CDKN2AIP: variants seen among roughly 807,000 people sequenced by gnomAD.
CDKN2AIP encodes the protein CDKN2A interacting protein, also known as CDKN2A-interacting protein.
In CDKN2AIP, 12 loss-of-function variants were observed where a neutral mutation model predicts 44.1. The observed-to-expected ratio is 0.27, with a 90% confidence interval of 0.17 to 0.44. The LOEUF (loss-of-function observed/expected upper bound fraction) is 0.44, where lower values mean the gene tolerates loss of function less well. CDKN2AIP is among the 20% of genes least tolerant of loss of function. The pLI is 1.00. For missense variants in CDKN2AIP, 705 were observed against 681.6 expected (o/e 1.03, Z -0.38); for synonymous variants, 291 against 272.1 (o/e 1.07, Z -0.68).
rs750315909 is a variant in CDKN2AIP at position 183,447,013 on chromosome 4, A to T, written c.1329A>T (p.Leu443=). The change falls in exon 3 of 3, where the codon CTA becomes CTT. Residue 443 remains leucine, a synonymous_variant. Transcript: ENST00000504169. ...AGAAGCAACCTTTTTTCAATAGACTATATAAAACGGTGGCATGGAAGTTGG... is the reference window on the plus strand; with the variant it reads ...AGAAGCAACCTTTTTTCAATAGACTTTATAAAACGGTGGCATGGAAGTTGG... ...VKQKQPFFNR[L]YKTVAWKLVA... is the part of the protein sequence containing the mutation. 4.3e-6 allele frequency: 7 copies of T among 1,613,980 alleles called. No individual in the cohort carries two copies. The highest frequency in any genetic ancestry group is 1.7e-5 in the Admixed American group (1 of 60,024).
Position 183,446,655 on chromosome 4 carries a change from G to C in CDKN2AIP, c.971G>C (p.Ser324Thr), listed in dbSNP as rs1733688409. The change falls in exon 3 of 3, where the codon AGT becomes ACT. Residue 324 changes from serine to threonine, a missense_variant. Ser to Thr is a moderately conservative substitution (Grantham distance 58). Transcript: ENST00000504169. ...TASSGLTSKT[S>T]SEASVSSSVA... Reference sequence around the variant, plus strand: ...TCAAGTGGGTTAACTTCCAAAACTAGTTCAGAGGCAAGTGTTTCATCATCA... The same window carrying C: ...TCAAGTGGGTTAACTTCCAAAACTACTTCAGAGGCAAGTGTTTCATCATCA... 2 of 1,614,114 alleles carry C rather than the reference G, an allele frequency of 1.2e-6. No homozygotes were observed. The highest frequency in any genetic ancestry group is 1.7e-5 in the Admixed American group (1 of 60,022).
Position 183,444,961 on chromosome 4 carries a change from C to T in CDKN2AIP, c.164C>T (p.Ala55Val), listed in dbSNP as rs1579139173. The T allele has an allele frequency of 1.9e-6, 3 of 1,611,330 alleles. No homozygotes were observed. The highest frequency in any genetic ancestry group is 1.7e-6 in the Non-Finnish European group (2 of 1,178,764). The change falls in exon 1 of 3, where the codon GCT becomes GTT. Residue 55 changes from alanine to valine, a missense_variant. Transcript: ENST00000504169. Reference protein sequence around the residue: ...DLAPAGGAASASTDEAADAES... With the variant: ...DLAPAGGAASVSTDEAADAES... ...GCCCCCGCTGGCGGCGCTGCCTCCG[C>T]TAGCACGGATGAAGCTGCCGACGCC...
rs1263990880 is a variant in CDKN2AIP at position 183,445,130 on chromosome 4, G to A, written c.272+61G>A. On this transcript the variant is annotated intron_variant, in intron 1 of 2. Transcript: ENST00000504169. ...TTTTGTGTGCCACCTGCAGACCGGG[G>A]CCCGGCGCCCTCCGCGGGACCGGCC... 2.7e-6 allele frequency: 4 copies of A among 1,509,354 alleles called. No individual in the cohort carries two copies. The African/African-American group carries it at 4.2e-5, about 16-fold the overall frequency. The allele number at this position is 1,509,354 out of a possible 1,614,324, so 93.5% of individuals were successfully genotyped here.
chr4:183,446,121 T>C lies in CDKN2AIP; in HGVS notation c.437T>C (p.Ile146Thr), dbSNP rs1733660193. ...GAAGAGCCATCCAAAAAACGAGTTA[T>C]AGAAGGAAAAAACAGTTCTGCAGTT... ...GVEEPSKKRV[I>T]EGKNSSAVEQ... Residue 146 changes from isoleucine (I) to threonine (T), a missense_variant, in exon 3 of 3, where the codon ATA becomes ACA. Physicochemically the swap from Ile to Thr is moderately conservative, Grantham distance 89. Transcript: ENST00000504169. The C allele has an allele frequency of 1.9e-6, 3 of 1,612,280 alleles. No homozygotes were observed. The East Asian group carries it at 6.7e-5, about 36-fold the overall frequency.
Position 183,447,874 on chromosome 4 carries a change from C to T in CDKN2AIP, c.*447C>T, listed in dbSNP as rs549234400. 265 of 152,596 alleles carry T rather than the reference C, an allele frequency of 1.7e-3. No individual in the cohort carries two copies. Among genetic ancestry groups the T allele is most frequent in the Middle Eastern group, 3.4e-3 (1 of 294 alleles). 9.5% of individuals were successfully genotyped at this position (152,596 alleles called of 1,614,324 possible). ...AGCTTAAGGTTTTAAAAATGTTGCC[C>T]GTAATGTTGAACGTGTCTGTTAAAA... On this transcript the variant is annotated 3_prime_UTR_variant, in exon 3 of 3. Transcript: ENST00000504169.
chr4:183,447,206 A>G lies in CDKN2AIP; in HGVS notation c.1522A>G (p.Lys508Glu). The G allele has an allele frequency of 1.9e-6, 3 of 1,613,568 alleles. No individual in the cohort carries two copies. Among genetic ancestry groups the G allele is most frequent in the Non-Finnish European group, 2.5e-6 (3 of 1,179,808 alleles). ...QESIVCELRCKSVYLGTGCGK... is the reference protein window; with the variant it reads ...QESIVCELRCESVYLGTGCGK... ...AAGTATTGTTTGTGAATTGAGGTGC[A>G]AGTCTGTGTATTTGGGCACTGGCTG... The change falls in exon 3 of 3, where the codon AAG (lysine) becomes GAG (glutamate). Residue 508 changes from lysine to glutamate, a missense_variant. Physicochemically the swap from Lys to Glu is moderately conservative, Grantham distance 56. Transcript: ENST00000504169.
At position 183,446,310 on chromosome 4, in the gene CDKN2AIP, C is replaced by T. The variant is rs998186656; in HGVS notation, c.626C>T (p.Ser209Phe). Reference protein sequence around the residue: ...QNSSTSDGDRSVSSQSSSSVS... With the variant: ...QNSSTSDGDRFVSSQSSSSVS... ...AGCTCTACAAGTGATGGAGATCGAT[C>T]TGTTTCCAGCCAAAGCAGCAGCAGC... The change falls in exon 3 of 3, where the codon TCT becomes TTT. Residue 209 changes from serine to phenylalanine, a missense_variant. Ser to Phe is a radical substitution (Grantham distance 155). This residue lies in a region of CDKN2AIP where 592 missense variants were observed against 518.0 expected (regional missense o/e 1.14). Transcript: ENST00000504169. The T allele has an allele frequency of 1.2e-6, 2 of 1,614,218 alleles. No homozygotes were observed. Among genetic ancestry groups the T allele is most frequent in the East Asian group, 2.2e-5 (1 of 44,890 alleles).
chr4:183,448,827 A>G lies in CDKN2AIP; in HGVS notation c.*1400A>G, dbSNP rs1334601294. 6.6e-6 allele frequency among the ~76,000 whole-genome samples: 1 copy of G among 152,168 alleles called. No homozygotes were observed. Among genetic ancestry groups the G allele is most frequent in the African/African-American group, 2.4e-5 (1 of 41,466 alleles). On this transcript the variant is annotated 3_prime_UTR_variant, in exon 3 of 3. Transcript: ENST00000504169. ...CATAATCAGATGTTTTAATTTTACC[A>G]TATAACCTTTAAAAATGATTCATTT...
chr4:183,444,797 C>G lies in CDKN2AIP; in HGVS notation c.-1C>G, dbSNP rs767756262. The G allele has an allele frequency of 6.5e-6, 10 of 1,529,654 alleles. No homozygotes were observed. The South Asian group carries it at 9.7e-5, about 15-fold the overall frequency. 94.8% of individuals were successfully genotyped at this position (1,529,654 alleles called of 1,614,324 possible). Reference sequence around the variant, plus strand: ...CTGTGTTCGCGGCCTGCAGGCCCAACATGGCGCAGGAGGTGTCGGAGTACC... The same window carrying G: ...CTGTGTTCGCGGCCTGCAGGCCCAAGATGGCGCAGGAGGTGTCGGAGTACC... On this transcript the variant is annotated 5_prime_UTR_variant, in exon 1 of 3. Coordinates refer to ENST00000504169, the MANE Select transcript of CDKN2AIP (RefSeq NM_017632.4).
rs774924031 is a variant in CDKN2AIP at position 183,445,574 on chromosome 4, T to C, written c.312T>C (p.Ala104=). 1 of 1,610,714 alleles carries C rather than the reference T, an allele frequency of 6.2e-7. No individual in the cohort carries two copies. The highest frequency in any genetic ancestry group is 2.2e-5 in the East Asian group (1 of 44,874). Residue 104 remains alanine (A), a synonymous_variant, in exon 2 of 3, where the codon GCT becomes GCC. Transcript: ENST00000504169. Reference sequence around the variant, plus strand: ...TTATGGATAAAATACTTAGTATGGCTGAAGGCATCAAAGTGACAGATGCTC... The same window carrying C: ...TTATGGATAAAATACTTAGTATGGCCGAAGGCATCAAAGTGACAGATGCTC... ...QKVMDKILSM[A]EGIKVTDAPT...
rs1044335230 is a variant in CDKN2AIP at position 183,447,907 on chromosome 4, G to T, written c.*480G>T. ...TGAACGTGTCTGTTAAAAAATAAAA[G>T]AAAAAATAGTTGCTTCAAACTATTT... is the stretch of plus-strand genomic sequence containing the variant. On this transcript the variant is annotated 3_prime_UTR_variant, in exon 3 of 3. Transcript: ENST00000504169. 2 of 152,372 alleles carry T rather than the reference G, an allele frequency of 1.3e-5. No homozygotes were observed. Among genetic ancestry groups the T allele is most frequent in the Non-Finnish European group, 2.9e-5 (2 of 67,998 alleles). 9.4% of individuals were successfully genotyped at this position (152,372 alleles called of 1,614,324 possible). A position where few individuals can be genotyped will look rare whatever the true frequency, so the allele number is the denominator to read the frequency against.
At chr4:183,445,355 G>A (rs1314454212) in intron 1 of CDKN2AIP, 180 bp from the exon 2 acceptor site, 5 of 625,130 alleles carry the variant, frequency 8.0e-6, no homozygotes, top group Non-Finnish European at 1.4e-5. Context: ...AGATTAGTGA[G>A]GAGGTGCCCT....
Position 183,446,933 on chromosome 4 carries a change from T to G in CDKN2AIP, c.1249T>G (p.Ser417Ala), listed in dbSNP as rs781564950. 4 of 1,614,240 alleles carry G rather than the reference T, an allele frequency of 2.5e-6. No homozygotes were observed. Among genetic ancestry groups the G allele is most frequent in the Non-Finnish European group, 3.4e-6 (4 of 1,180,048 alleles). ...GTTGCCTTCTAAAAGTACTTCACAG[T>G]CAAGTGAGAGTTCTGTCAAATTCTC... ...SQLPSKSTSQ[S>A]SESSVKFSCK... is the part of the protein sequence containing the mutation. Residue 417 changes from serine to alanine, a missense_variant, in exon 3 of 3, where the codon TCA (serine) becomes GCA (alanine). By Grantham distance (99) the Ser-to-Ala change is moderately conservative. This residue lies in a region of CDKN2AIP where 592 missense variants were observed against 518.0 expected (regional missense o/e 1.14). Transcript: ENST00000504169.
Position 183,444,918 on chromosome 4 carries a change from C to T in CDKN2AIP, c.121C>T (p.Arg41Cys), listed in dbSNP as rs772080485. Residue 41 changes from arginine to cysteine, a missense_variant, in exon 1 of 3, where the codon CGC becomes TGC. Transcript: ENST00000504169. ...GCGCCACCGCCGGGATTTTTTGCTTCGCAACGCCGGGGACCTGGCCCCCGC... is the reference window on the plus strand; with the variant it reads ...GCGCCACCGCCGGGATTTTTTGCTTTGCAACGCCGGGGACCTGGCCCCCGC... ...HWRHRRDFLL[R>C]NAGDLAPAGG... 2 of 1,610,420 alleles carry T rather than the reference C, an allele frequency of 1.2e-6. No individual in the cohort carries two copies. Among genetic ancestry groups the T allele is most frequent in the Admixed American group, 1.7e-5 (1 of 59,754 alleles).
chr4:183,447,941 A>G lies in CDKN2AIP; in HGVS notation c.*514A>G, dbSNP rs1250364162. ...GTTGCTTCAAACTATTTTTATGAGA[A>G]GTTGTAAGCATTTTTTAGATATAAA... is the stretch of plus-strand genomic sequence containing the variant. On this transcript the variant is annotated 3_prime_UTR_variant, in exon 3 of 3. Transcript: ENST00000504169. 2 of 152,236 alleles carry G rather than the reference A, an allele frequency of 1.3e-5. No homozygotes were observed. The highest frequency in any genetic ancestry group is 6.5e-5 in the Admixed American group (1 of 15,288). 9.4% of individuals were successfully genotyped at this position (152,236 alleles called of 1,614,324 possible). A position where few individuals can be genotyped will look rare whatever the true frequency, so the allele number is the denominator to read the frequency against.
In CDKN2AIP at chr4:183,444,764, C is replaced by A. The variant is rs1435770101; in HGVS notation, c.-34C>A. 1 of 1,485,284 alleles carries A rather than the reference C, an allele frequency of 6.7e-7. No homozygotes were observed. The highest frequency in any genetic ancestry group is 2.2e-5 in the Admixed American group (1 of 44,782). The allele number at this position is 1,485,284 out of a possible 1,614,324, so 92.0% of individuals were successfully genotyped here. Reference sequence around the variant, plus strand: ...CGCCCCGCTAGTCCTGCCTGTCTCCCGGTGCAGCTGTGTTCGCGGCCTGCA... The same window carrying A: ...CGCCCCGCTAGTCCTGCCTGTCTCCAGGTGCAGCTGTGTTCGCGGCCTGCA... On this transcript the variant is annotated 5_prime_UTR_variant, in exon 1 of 3. Coordinates refer to ENST00000504169, the MANE Select transcript of CDKN2AIP (RefSeq NM_017632.4).
At position 183,448,237 on chromosome 4, in the gene CDKN2AIP, A is replaced by C. The variant is rs1733724985; in HGVS notation, c.*810A>C. 6.6e-6 allele frequency: 1 copy of C among 152,178 alleles called. No homozygotes were observed. Among genetic ancestry groups the C allele is most frequent in the South Asian group, 2.1e-4 (1 of 4,836 alleles). The allele number at this position is 152,178 out of a possible 1,614,324, so 9.4% of individuals were successfully genotyped here. A position where few individuals can be genotyped will look rare whatever the true frequency, so the allele number is the denominator to read the frequency against. ...TCTCCAAGTCAGAACCAATTCCTGC[A>C]AATAGGCTTCCCATGACTTGTCATT... is the stretch of plus-strand genomic sequence containing the variant. On this transcript the variant is annotated 3_prime_UTR_variant, in exon 3 of 3. Coordinates refer to ENST00000504169, the MANE Select transcript of CDKN2AIP (RefSeq NM_017632.4).
Position 183,447,197 on chromosome 4 carries a change from T to C in CDKN2AIP, c.1513T>C (p.Leu505=). Residue 505 remains leucine, a synonymous_variant, in exon 3 of 3, where the codon TTG becomes CTG. Transcript: ENST00000504169. ...CTCTCAAGAAAGTATTGTTTGTGAA[T>C]TGAGGTGCAAGTCTGTGTATTTGGG... ...KSSQESIVCE[L]RCKSVYLGTG... is the part of the protein sequence containing the mutation. 6.2e-7 allele frequency: 1 copy of C among 1,613,968 alleles called. No homozygotes were observed. Among genetic ancestry groups the C allele is most frequent in the Non-Finnish European group, 8.5e-7 (1 of 1,179,958 alleles).
rs1475499806 is a variant in CDKN2AIP at position 183,448,038 on chromosome 4, C to G, written c.*611C>G. On this transcript the variant is annotated 3_prime_UTR_variant, in exon 3 of 3. Transcript: ENST00000504169. ...ACCATGACTTTGACCGCTGAAGATTCTTTAAGCGGGTTAATTTATGTTTTG... is the reference window on the plus strand; with the variant it reads ...ACCATGACTTTGACCGCTGAAGATTGTTTAAGCGGGTTAATTTATGTTTTG... 2.0e-5 allele frequency: 3 copies of G among 152,122 alleles called. No homozygotes were observed. The highest frequency in any genetic ancestry group is 4.4e-5 in the Non-Finnish European group (3 of 67,992). The allele number at this position is 152,122 out of a possible 1,614,324, so 9.4% of individuals were successfully genotyped here. A position where few individuals can be genotyped will look rare whatever the true frequency, so the allele number is the denominator to read the frequency against.
Sources: allele counts gnomAD v4.1 joint callset (sites outside exome capture counted in the v4.1 genomes callset), GRCh38; gene constraint gnomAD v4.1.1; regional missense constraint gnomAD v4.1.1; transcripts MANE v1.5; gene names NCBI Gene and HGNC (gene_info 2026-07-23, HGNC 2026-07-21).